Variants in NPSR1 observed in about 807,000 individuals in gnomAD.
NPSR1 encodes neuropeptide S receptor 1.
A neutral mutation model predicts 46.9 loss-of-function variants in NPSR1; 48 were observed. The observed-to-expected ratio is 1.02, with a 90% CI of 0.81 to 1.30. The LOEUF (loss-of-function observed/expected upper bound fraction) is 1.30, where lower values mean the gene tolerates loss of function less well. Ranked by LOEUF, NPSR1 falls within the 50% of genes most tolerant of loss-of-function variation. NPSR1 has a pLI of 0.00. For synonymous variants in NPSR1, 176 were observed against 168.1 expected (o/e 1.05, Z -0.36); for missense variants, 450 against 449.5 (o/e 1.00, Z -0.01).
chr7:34,710,850 CT>C, intron 2 of NPSR1: 1 of 488,488 alleles, frequency 2.0e-6, no homozygotes, highest in Non-Finnish European at 3.8e-6. Flanking sequence ...GATCAAGCAC[CT>C]GAGAAACAAG....
intron 2 of NPSR1, among the ~76,000 whole-genome samples, chr7:34,727,980 A>G (rs1784244819): frequency 6.6e-6 from 1 of 151,732 alleles, no homozygotes; most frequent in Admixed American, 6.6e-5. Flanking sequence ...AAAAAACCTG[A>G]GGCTTTCTTG....
intron 8 of NPSR1, among the ~76,000 whole-genome samples, chr7:34,868,187 A>T (rs1316344735): frequency 6.6e-6 from 1 of 151,630 alleles, no homozygotes; most frequent in Non-Finnish European, 1.5e-5. Flanking sequence ...GAATGTGGGG[A>T]TGTAGACCCT....
intron 1 of NPSR1, among the ~76,000 whole-genome samples, chr7:34,673,017 C>A (rs1323927607): frequency 6.6e-6 from 1 of 152,194 alleles, no homozygotes; most frequent in African/African-American, 2.4e-5. Flanking sequence ...AGTTCTCACT[C>A]TCTGCCTTCA....
At chr7:34,802,007 AGTGAC>A (rs1464569785) in intron 3 of NPSR1, among the ~76,000 whole-genome samples, 1 of 149,444 alleles carries the variant, frequency 6.7e-6, no homozygotes, top group Non-Finnish European at 1.5e-5. Context: ...CCAACTTACA[AGTGAC>A]GTGAAGGACC....
At chr7:34,750,329 A>G in intron 2 of NPSR1, 1 of 709,770 alleles carries the variant, frequency 1.4e-6, no homozygotes, top group Non-Finnish European at 2.6e-6. Context: ...CATCTAGGCT[A>G]AAAAATCTTC....
At chr7:34,808,798 G>A (rs1377698645) in intron 3 of NPSR1, among the ~76,000 whole-genome samples, 1 of 152,082 alleles carries the variant, frequency 6.6e-6, no homozygotes, top group Non-Finnish European at 1.5e-5. Context: ...TGTTGTTATA[G>A]TGTTTTCTGG....
Position 34,848,538 on chromosome 7 carries a change from C to A in NPSR1, c.900C>A (p.Asn300Lys). 2.5e-6 allele frequency: 4 copies of A among 1,614,204 alleles called. No individual in the cohort carries two copies. ...YFLFDILDNF[N>K]LLPDTQERFY... is the part of the protein sequence containing the mutation. ...TGTTTGACATTTTGGACAATTTCAA[C>A]CTCCTTCCAGACACCCAGGAGCGTT... The change falls in exon 8 of 9, where the codon AAC becomes AAA. Residue 300 changes from asparagine to lysine, a missense_variant. By Grantham distance (94) the Asn-to-Lys change is moderately conservative (BLOSUM62 0). Coordinates refer to ENST00000360581, the MANE Select transcript of NPSR1 (RefSeq NM_207172.2).
intron 6 of NPSR1, among the ~76,000 whole-genome samples, chr7:34,841,872 C>T (rs1366827271): frequency 1.3e-5 from 2 of 152,318 alleles, no homozygotes; most frequent in Non-Finnish European, 2.9e-5. Flanking sequence ...CTAGGAACAG[C>T]CAGTGGGGAC....
At position 34,868,290 on chromosome 7, in the gene NPSR1, C is replaced by T. The variant is rs1046661887; in HGVS notation, c.1026-9786C>T. 1.5e-4 allele frequency among the ~76,000 whole-genome samples: 23 copies of T among 151,690 alleles called. 1 individual carries two copies. The highest frequency in any genetic ancestry group is 5.1e-4 in the African/African-American group (21 of 40,996). ...CAGCCCTGGGGAGGGAGGGACCAGG[C>T]AGCAGCCCCACTCTGCACCACACAA... On this transcript the variant is annotated intron_variant, in intron 8 of 8. Transcript: ENST00000359791.
intron 2 of NPSR1, among the ~76,000 whole-genome samples, chr7:34,693,345 A>G (rs1250912449): frequency 2.0e-5 from 3 of 152,068 alleles, no homozygotes; most frequent in Non-Finnish European, 4.4e-5. Context: ...AAAAAAAATC[A>G]TCAGAGATGA....
chr7:34,838,060 T>G (rs1288926440), intron 6 of NPSR1, among the ~76,000 whole-genome samples: 7 of 152,174 alleles, frequency 4.6e-5, no homozygotes, highest in Non-Finnish European at 1.0e-4. Flanking sequence ...TCACTCTCAC[T>G]GTCTCACCTC....
intron 8 of NPSR1, among the ~76,000 whole-genome samples, chr7:34,858,033 C>A (rs1466031686): frequency 2.0e-5 from 3 of 151,794 alleles, no homozygotes; most frequent in Non-Finnish European, 4.4e-5. Context: ...AAACCTTTGA[C>A]AATATCAAAT....
chr7:34,786,000 T>C (rs1266646049), intron 3 of NPSR1, among the ~76,000 whole-genome samples: 1 of 152,226 alleles, frequency 6.6e-6, no homozygotes, highest in South Asian at 2.1e-4. Context: ...TTGCCAAAGG[T>C]TGTGGTGGCT....
intron 3 of NPSR1, among the ~76,000 whole-genome samples, chr7:34,789,740 C>CAAAAAAAAAAAAA (rs751424409): frequency 2.2e-5 from 1 of 45,350 alleles, no homozygotes. Flanking sequence ...TTGCAGTGCG[C>CAAAAAAAAAAAAA]AAAAAAAAAA....
At chr7:34,725,767 G>A (rs1041291049) in intron 2 of NPSR1, among the ~76,000 whole-genome samples, 1 of 152,188 alleles carries the variant, frequency 6.6e-6, no homozygotes. Flanking sequence ...AAGGACTATT[G>A]ATATGGTTTG....
intron 2 of NPSR1, among the ~76,000 whole-genome samples, chr7:34,704,445 G>A (rs571388348): frequency 4.0e-5 from 6 of 151,710 alleles, no homozygotes; most frequent in Non-Finnish European, 7.4e-5. Context: ...TTATTGCCTT[G>A]TAGTCAAGGA....
chr7:34,790,746 AAT>A (rs111929376), intron 3 of NPSR1, among the ~76,000 whole-genome samples: 1 of 104,664 alleles, frequency 9.6e-6, no homozygotes, highest in East Asian at 2.8e-4. Flanking sequence ...TGTTATATAT[AAT>A]ATATGTTATA....
At chr7:34,835,863 C>T (rs1220626826) in intron 6 of NPSR1, among the ~76,000 whole-genome samples, 3 of 152,150 alleles carry the variant, frequency 2.0e-5, no homozygotes, top group Non-Finnish European at 4.4e-5. Flanking sequence ...TTACAATGCA[C>T]CGAAACCCAG....
chr7:34,792,689 G>GTATATATATATTTA (rs1489386225), intron 3 of NPSR1, among the ~76,000 whole-genome samples: 3 of 74,308 alleles, frequency 4.0e-5, no homozygotes, highest in South Asian at 7.3e-4. Context: ...ATATATATAT[G>GTATATATATATTTA]TATATATATA....
Sources: gnomAD v4.1 joint callset for allele counts (sites outside exome capture counted in the v4.1 genomes callset) on GRCh38, gnomAD v4.1.1 for gene constraint, MANE v1.5 for transcripts, NCBI Gene and HGNC (gene_info 2026-07-23, HGNC 2026-07-21) for gene names.